Variants in NRG1 observed in about 807,000 individuals in gnomAD.
NRG1 encodes pro-neuregulin-1, membrane-bound isoform.
Under a neutral mutation model 63.8 loss-of-function variants are expected in NRG1, and 18 were observed. That is an observed-to-expected ratio of 0.28 (90% CI 0.19 to 0.42). NRG1 has a LOEUF of 0.42. NRG1 is among the 10% of genes least tolerant of loss of function. The pLI, the probability that NRG1 is intolerant of heterozygous loss-of-function variation, is 1.00. For synonymous variants in NRG1, 302 were observed against 301.3 expected, an observed-to-expected ratio of 1.00 and a Z score of -0.02; for missense variants, 762 against 814.7, an observed-to-expected ratio of 0.94 and a Z score of 0.79.
chr8:32,066,837 A>G (rs554373362), intron 1 of NRG1, among the ~76,000 whole-genome samples: 11 of 152,094 alleles, frequency 7.2e-5, no homozygotes, highest in African/African-American at 2.7e-4. Flanking sequence ...ATGTTCTTCC[A>G]TTTGTTTGTA....
intron 1 of NRG1, among the ~76,000 whole-genome samples, chr8:31,656,294 C>T (rs1019025396): frequency 6.6e-6 from 1 of 152,150 alleles, no homozygotes; most frequent in East Asian, 1.9e-4. Context: ...GTCCCTCGAA[C>T]ATCCTGATGG....
At chr8:32,268,748 A>G (rs1234397914) in intron 1 of NRG1, among the ~76,000 whole-genome samples, 1 of 152,114 alleles carries the variant, frequency 6.6e-6, no homozygotes, top group Non-Finnish European at 1.5e-5. Context: ...ATTTTTCCAC[A>G]CATTATGCAC....
intron 5 of NRG1, among the ~76,000 whole-genome samples, chr8:32,624,307 C>G (rs1848819938): frequency 6.6e-6 from 1 of 152,106 alleles, no homozygotes; most frequent in Non-Finnish European, 1.5e-5. Context: ...GGGCACATAT[C>G]CACTGCTGTG....
At chr8:31,851,599 TTTAA>T (rs1485853968) in intron 1 of NRG1, among the ~76,000 whole-genome samples, 22 of 152,164 alleles carry the variant, frequency 1.4e-4, no homozygotes, top group South Asian at 4.1e-4. Context: ...CATTCTTATT[TTTAA>T]TTAATTAATT....
intron 1 of NRG1, among the ~76,000 whole-genome samples, chr8:32,326,554 G>A (rs571210559): frequency 1.1e-4 from 16 of 152,020 alleles, no homozygotes; most frequent in African/African-American, 3.9e-4. Flanking sequence ...TGAACTTCTA[G>A]CCTCAAGCAA....
chr8:31,925,022 C>T (rs1427885885), intron 1 of NRG1, among the ~76,000 whole-genome samples: 1 of 150,702 alleles, frequency 6.6e-6, no homozygotes, highest in Non-Finnish European at 1.5e-5. Context: ...TCATATGGTC[C>T]AATTTTGTTA....
chr8:32,548,706 G>A (rs1833446447), exon 1 of NRG1: 1 of 1,564,390 alleles, frequency 6.4e-7, no homozygotes, highest in Non-Finnish European at 8.7e-7. Context: ...CGTCCGCGTA[G>A]AGCGCTCCGT....
At chr8:32,658,893 T>C (rs1415165438) in intron 5 of NRG1, among the ~76,000 whole-genome samples, 2 of 152,232 alleles carry the variant, frequency 1.3e-5, no homozygotes, top group Non-Finnish European at 2.9e-5. Context: ...AGGAAATGCA[T>C]ACATTTTGGT....
chr8:32,649,159 C>CTTTTTTTT (rs35558760), intron 5 of NRG1, among the ~76,000 whole-genome samples: 2 of 123,358 alleles, frequency 1.6e-5, no homozygotes, highest in African/African-American at 6.1e-5. Flanking sequence ...TGAGGTACAT[C>CTTTTTTTT]TTTTTTTTTT....
intron 5 of NRG1, among the ~76,000 whole-genome samples, chr8:32,655,429 A>G (rs929640207): frequency 2.6e-5 from 4 of 152,242 alleles, no homozygotes; most frequent in Non-Finnish European, 4.4e-5. Context: ...AAAACTCTCA[A>G]GAGATTGTGA....
At chr8:32,713,454 T>C (rs1342173105) in intron 5 of NRG1, among the ~76,000 whole-genome samples, 4 of 152,082 alleles carry the variant, frequency 2.6e-5, no homozygotes, top group African/African-American at 7.2e-5. Flanking sequence ...ATCCTAGACC[T>C]TCCTAATTGA....
At chr8:32,241,552 C>A (rs956309970) in intron 1 of NRG1, among the ~76,000 whole-genome samples, 1 of 152,054 alleles carries the variant, frequency 6.6e-6, no homozygotes, top group Non-Finnish European at 1.5e-5. Flanking sequence ...GCACAATTGG[C>A]GTGCAATAGA....
chr8:31,827,422 C>T (rs1364662195), intron 1 of NRG1, among the ~76,000 whole-genome samples: 2 of 152,008 alleles, frequency 1.3e-5, no homozygotes, highest in East Asian at 1.9e-4. Flanking sequence ...TGAGGTGATC[C>T]TCTCCTTCTT....
At chr8:31,799,980 T>G (rs145243189) in intron 1 of NRG1, among the ~76,000 whole-genome samples, 172 of 152,320 alleles carry the variant, frequency 1.1e-3, no homozygotes, top group African/African-American at 3.9e-3. Context: ...CCACAGCGAT[T>G]TGAAGCCATG....
At chr8:31,781,249 A>G (rs1819654883) in intron 1 of NRG1, among the ~76,000 whole-genome samples, 1 of 152,148 alleles carries the variant, frequency 6.6e-6, no homozygotes, top group Admixed American at 6.6e-5. Context: ...CTGTGTGAGG[A>G]GTAATTGTAG....
At chr8:31,995,476 T>C (rs535344984) in intron 1 of NRG1, among the ~76,000 whole-genome samples, 1 of 152,092 alleles carries the variant, frequency 6.6e-6, no homozygotes, top group South Asian at 2.1e-4. Context: ...TAGGCTGTTT[T>C]CCTGGGATAC....
intron 1 of NRG1, among the ~76,000 whole-genome samples, chr8:31,677,742 G>A (rs2131038431): frequency 6.6e-6 from 1 of 152,236 alleles, no homozygotes; most frequent in South Asian, 2.1e-4. Flanking sequence ...CAAATTCGAA[G>A]TTGTCCTCAA....
chr8:31,791,135 G>A (rs1820661863), intron 1 of NRG1, among the ~76,000 whole-genome samples: 1 of 151,618 alleles, frequency 6.6e-6, no homozygotes, highest in Non-Finnish European at 1.5e-5. Context: ...ATTGAGCCTG[G>A]GAGGTGGAGG....
intron 5 of NRG1, among the ~76,000 whole-genome samples, chr8:32,718,155 GTATTGCA>G (rs1237603767): frequency 6.6e-6 from 1 of 152,182 alleles, no homozygotes; most frequent in Non-Finnish European, 1.5e-5. Context: ...TTACCGGTGA[GTATTGCA>G]TATTGAGAAT....
Sources: gnomAD v4.1 joint callset for allele counts (sites outside exome capture counted in the v4.1 genomes callset) on GRCh38, gnomAD v4.1.1 for gene constraint, MANE v1.5 for transcripts, NCBI Gene and HGNC (gene_info 2026-07-23, HGNC 2026-07-21) for gene names.